The following TMEM169 variants were observed in gnomAD, a reference collection of about 807,000 sequenced individuals.
TMEM169 encodes transmembrane protein 169.
A neutral mutation model predicts 27.3 loss-of-function variants in TMEM169; 18 were observed. The observed-to-expected ratio is 0.66, with a 90% CI of 0.46 to 0.98. The LOEUF (loss-of-function observed/expected upper bound fraction) is 0.98, where lower values mean the gene tolerates loss of function less well. TMEM169 is among the 50% of genes least tolerant of loss of function. The probability of loss-of-function intolerance (pLI) is 0.00; values close to 1 mark genes in which losing one functional copy is unlikely to be tolerated. For missense variants in TMEM169, 320 were observed against 368.6 expected, an observed-to-expected ratio of 0.87 and a Z score of 1.08; for synonymous variants, 136 against 142.1, an observed-to-expected ratio of 0.96 and a Z score of 0.30.
At chr2:216,084,970 C>T (rs1382921045) in intron 1 of TMEM169, among the ~76,000 whole-genome samples, 2 of 152,074 alleles carry the variant, frequency 1.3e-5, no homozygotes, top group African/African-American at 2.4e-5. Context: ...AAGCAGAAAA[C>T]AGCCTGATTT....
intron 2 of TMEM169, among the ~76,000 whole-genome samples, chr2:216,097,024 T>C (rs1344558974): frequency 2.6e-5 from 4 of 152,190 alleles, no homozygotes; most frequent in African/African-American, 9.7e-5. Flanking sequence ...TCATGCACCT[T>C]AGTGAAAGTG....
chr2:216,095,970 G>C lies in TMEM169; in HGVS notation c.7G>C (p.Glu3Gln), dbSNP rs1046012640. Residue 3 changes from glutamate (E) to glutamine (Q), a missense_variant, in exon 2 of 3, where the codon GAG becomes CAG. Physicochemically the swap from Glu to Gln is conservative, Grantham distance 29. Transcript: ENST00000437356. ME[E>Q]PTAVEGQVQL... ...GGTAGACGTCAGGTCTGGAATGGAA[G>C]AGCCAACAGCAGTAGAAGGCCAGGT... 2.5e-6 allele frequency: 4 copies of C among 1,612,570 alleles called. No homozygotes were observed. Among genetic ancestry groups the C allele is most frequent in the Non-Finnish European group, 3.4e-6 (4 of 1,179,492 alleles).
chr2:216,094,416 A>C (rs1329639598), intron 1 of TMEM169, among the ~76,000 whole-genome samples: 2 of 152,226 alleles, frequency 1.3e-5, no homozygotes, highest in African/African-American at 2.4e-5. Context: ...AGTGCATGAG[A>C]GTATTCTAGC....
rs1202118022 is a variant in TMEM169, at chr2:216,101,870, CATTCATTTGTTT to C, written c.*1337_*1348del. On this transcript the variant is annotated 3_prime_UTR_variant, in exon 3 of 3. Coordinates refer to ENST00000437356, the MANE Select transcript of TMEM169 (RefSeq NM_001142311.2). Reference sequence around the variant, plus strand: ...ATATGGTTTTATTTATTTATTTATTCATTCATTTGTTTATTCATTTATTTATTTAGGCCTGAA... The same window carrying C: ...ATATGGTTTTATTTATTTATTTATTCATTCATTTATTTATTTAGGCCTGAA... The C allele has an allele frequency of 1.3e-5, 2 of 152,114 alleles. No individual in the cohort carries two copies. The highest frequency in any genetic ancestry group is 4.1e-4 in the South Asian group (2 of 4,834). 9.4% of individuals were successfully genotyped at this position (152,114 alleles called of 1,614,324 possible). A position where few individuals can be genotyped will look rare whatever the true frequency, so the allele number is the denominator to read the frequency against.
chr2:216,093,127 TG>T (rs1464832708), intron 1 of TMEM169, among the ~76,000 whole-genome samples: 7 of 27,262 alleles, frequency 2.6e-4, no homozygotes, highest in African/African-American at 5.2e-4. Context: ...AATAATGAAG[TG>T]TGTGTGTGTG....
intron 1 of TMEM169, among the ~76,000 whole-genome samples, chr2:216,086,347 G>A (rs1695997750): frequency 6.6e-6 from 1 of 152,134 alleles, no homozygotes; most frequent in African/African-American, 2.4e-5. Flanking sequence ...ACAGGCATGA[G>A]CCACCGTGAC....
At chr2:216,092,419 A>AT (rs1696155009) in intron 1 of TMEM169, among the ~76,000 whole-genome samples, 1 of 151,932 alleles carries the variant, frequency 6.6e-6, no homozygotes, top group Non-Finnish European at 1.5e-5. Flanking sequence ...AAGTGCTGGG[A>AT]TTACAGGCAT....
chr2:216,084,024 T>C (rs578222846), intron 1 of TMEM169, among the ~76,000 whole-genome samples: 111 of 152,300 alleles, frequency 7.3e-4, no homozygotes, highest in African/African-American at 2.5e-3. Context: ...TTGAATCAAA[T>C]GCTGCTCTTC....
At chr2:216,094,612 C>G (rs1034382707) in intron 1 of TMEM169, among the ~76,000 whole-genome samples, 1 of 152,104 alleles carries the variant, frequency 6.6e-6, no homozygotes, top group South Asian at 2.1e-4. Context: ...AAACCATCAA[C>G]CAAAAAAATT....
Position 216,099,214 on chromosome 2 carries a change from G to A in TMEM169, c.272-706G>A, listed in dbSNP as rs947331128. On this transcript the variant is annotated intron_variant, in intron 2 of 2. Transcript: ENST00000437356. This position sits in a 1 kb window ranked among gnomAD's most constrained non-coding sequence, Gnocchi z 5.0. ...GGCATGTGTGTGGTGTATGTGTTAT[G>A]TATGGTGTTTGGTATATGTGGTGTG... Among the ~76,000 whole-genome samples, 1 of 150,914 alleles carries A rather than the reference G, an allele frequency of 6.6e-6. No individual in the cohort carries two copies. The highest frequency in any genetic ancestry group is 2.4e-5 in the African/African-American group (1 of 41,070).
At position 216,095,875 on chromosome 2, in the gene TMEM169, T is replaced by G; in HGVS notation, c.-89T>G. 1 of 1,461,182 alleles carries G rather than the reference T, an allele frequency of 6.8e-7. No homozygotes were observed. Among genetic ancestry groups the G allele is most frequent in the East Asian group, 2.3e-5 (1 of 43,800 alleles). The allele number at this position is 1,461,182 out of a possible 1,614,324, so 90.5% of individuals were successfully genotyped here. On this transcript the variant is annotated 5_prime_UTR_variant, in exon 2 of 3. Transcript: ENST00000437356. ...CTTGGGACATCTTTGCATAGCCCCA[T>G]CTAGGAAGAAGTTCTGTGATGTGTG...
At position 216,100,544 on chromosome 2, in the gene TMEM169, C is replaced by T. The variant is rs763521905; in HGVS notation, c.*2C>T. 1.2e-6 allele frequency: 2 copies of T among 1,614,078 alleles called. No homozygotes were observed. Among genetic ancestry groups the T allele is most frequent in the East Asian group, 4.5e-5 (2 of 44,886 alleles). Reference sequence around the variant, plus strand: ...GAAGTAGAAACCTCCACGGTCTAAACTCCCAACAACTTACTCCCTCCTCTG... The same window carrying T: ...GAAGTAGAAACCTCCACGGTCTAAATTCCCAACAACTTACTCCCTCCTCTG... On this transcript the variant is annotated 3_prime_UTR_variant, in exon 3 of 3. Transcript: ENST00000437356.
At chr2:216,088,852 C>T (rs1485073563) in intron 1 of TMEM169, among the ~76,000 whole-genome samples, 1 of 152,034 alleles carries the variant, frequency 6.6e-6, no homozygotes, top group Non-Finnish European at 1.5e-5. Flanking sequence ...CTCGGTAACA[C>T]TGAGAGGTTC....
In TMEM169 at chr2:216,100,226, T is replaced by C. The variant is rs765422463; in HGVS notation, c.578T>C (p.Val193Ala). 1.2e-6 allele frequency: 2 copies of C among 1,613,830 alleles called. No homozygotes were observed. The highest frequency in any genetic ancestry group is 1.7e-6 in the Non-Finnish European group (2 of 1,179,988). ...GTITWYNIFL[V>A]YNEERTFWHK... is the part of the protein sequence containing the mutation. The stretch of plus-strand genomic sequence containing the variant: ...ATCACCTGGTACAACATCTTCCTCG[T>C]GTATAATGAGGAAAGGACCTTCTGG... Residue 193 changes from valine (V) to alanine (A), a missense_variant, in exon 3 of 3, where the codon GTG becomes GCG. Coordinates refer to ENST00000437356, the MANE Select transcript of TMEM169 (RefSeq NM_001142311.2).
At chr2:216,093,388 A>T (rs975741322) in intron 1 of TMEM169, among the ~76,000 whole-genome samples, 1 of 152,076 alleles carries the variant, frequency 6.6e-6, no homozygotes, top group Non-Finnish European at 1.5e-5. Flanking sequence ...TCCTGTGTAC[A>T]TCCTTGTACT....
chr2:216,086,314 CG>C (rs1485272995), intron 1 of TMEM169, among the ~76,000 whole-genome samples: 5 of 152,112 alleles, frequency 3.3e-5, no homozygotes, highest in African/African-American at 1.2e-4. Flanking sequence ...CCACCTGCCT[CG>C]GCCTCCCTAA....
At position 216,089,312 on chromosome 2, in the gene TMEM169, C is replaced by A. The variant is rs191783969; in HGVS notation, c.-126-6526C>A. On this transcript the variant is annotated intron_variant, in intron 1 of 2. Coordinates refer to ENST00000437356, the MANE Select transcript of TMEM169 (RefSeq NM_001142311.2). ...CAGGGACTTTCAAGACTGTTTCTCA[C>A]CAAAATGAGTGGATCTGTCATCAAA... Among the ~76,000 whole-genome samples the A allele has an allele frequency of 1.5e-3, 231 of 152,104 alleles. 3 individuals carry two copies. The highest frequency in any genetic ancestry group is 5.4e-3 in the African/African-American group (225 of 41,498).
chr2:216,099,828 T>G lies in TMEM169; in HGVS notation c.272-92T>G. ...TGCCAGATGGTGTAAAAAAGGCTAC[T>G]CTTGTCCTCATGCCCAGCCTGGGAG... On this transcript the variant is annotated intron_variant, in intron 2 of 2. Transcript: ENST00000437356. The surrounding 1 kb of genome is among the most constrained non-coding windows in gnomAD (Gnocchi z 5.0). 1.3e-6 allele frequency: 2 copies of G among 1,518,968 alleles called. No homozygotes were observed. 94.1% of individuals were successfully genotyped at this position (1,518,968 alleles called of 1,614,324 possible).
intron 1 of TMEM169, chr2:216,083,019 G>A (rs1695905414): frequency 6.6e-6 from 1 of 152,280 alleles, no homozygotes; most frequent in South Asian, 2.1e-4. Flanking sequence ...CCACCCACCA[G>A]CGAGGCTGCA....
Sources: gnomAD v4.1 joint callset for allele counts (sites outside exome capture counted in the v4.1 genomes callset) on GRCh38, gnomAD v4.1.1 for gene constraint, Gnocchi (gnomAD v3.1) non-coding constraint, MANE v1.5 for transcripts, NCBI Gene and HGNC (gene_info 2026-07-23, HGNC 2026-07-21) for gene names.